KLKB1: variants seen among roughly 807,000 people sequenced by gnomAD.
KLKB1 encodes plasma kallikrein.
A neutral mutation model predicts 73.6 loss-of-function variants in KLKB1; 58 were observed. The observed-to-expected ratio is 0.79, with a 90% CI of 0.64 to 0.98. The LOEUF is 0.98. Ranked by LOEUF, KLKB1 falls within the 50% of genes least tolerant of loss-of-function variation. KLKB1 has a pLI of 0.00. For missense variants in KLKB1, 737 were observed against 763.8 expected, an observed-to-expected ratio of 0.96 and a Z score of 0.41; for synonymous variants, 280 against 258.1, an observed-to-expected ratio of 1.08 and a Z score of -0.81.
At position 186,254,582 on chromosome 4, in the gene KLKB1, T is replaced by C. The variant is rs137946969; in HGVS notation, c.1314-6T>C. ...TTTCAAACAGGTATTTATTTTTCTC[T>C]CCTAGGCTTCCCCTGCAGGATGTTT... On this transcript the variant is annotated splice_polypyrimidine_tract_variant and splice_region_variant and intron_variant, in intron 11 of 14. Transcript: ENST00000264690. The C allele has an allele frequency of 4.5e-4, 731 of 1,613,324 alleles. 4 individuals are homozygous for C. In the African/African-American group the frequency reaches 8.7e-3, roughly 19 times the overall value.
chr4:186,241,420 T>G (rs1738044514), intron 6 of KLKB1, among the ~76,000 whole-genome samples: 2 of 152,136 alleles, frequency 1.3e-5, no homozygotes, highest in Non-Finnish European at 2.9e-5. Flanking sequence ...CACTCCACCT[T>G]TTGTTTTTTT....
At chr4:186,214,569 T>C (rs1736833601) in intron 2 of KLKB1, among the ~76,000 whole-genome samples, 1 of 152,222 alleles carries the variant, frequency 6.6e-6, no homozygotes, top group African/African-American at 2.4e-5. Context: ...CTTTTCTAGA[T>C]AGTAGGAAAG....
At chr4:186,233,893 A>G in intron 3 of KLKB1, 59 bp from the exon 4 acceptor site, 1 of 1,175,144 alleles carries the variant, frequency 8.5e-7, no homozygotes, top group Non-Finnish European at 1.3e-6. Flanking sequence ...AAAATGCTAG[A>G]CATTTCCTCA....
upstream of KLKB1, among the ~76,000 whole-genome samples, chr4:186,227,069 G>A (rs546168576): frequency 6.6e-6 from 1 of 152,286 alleles, no homozygotes; most frequent in African/African-American, 2.4e-5. Flanking sequence ...GGGATCTGTG[G>A]TGAAGTTAGG....
chr4:186,248,063 C>T (rs1025794385), intron 6 of KLKB1, among the ~76,000 whole-genome samples: 1 of 151,990 alleles, frequency 6.6e-6, no homozygotes, highest in African/African-American at 2.4e-5. Context: ...CTGGGTAACA[C>T]GGTGAAGCCC....
chr4:186,245,802 G>GGTTT (rs1738298819), intron 6 of KLKB1, among the ~76,000 whole-genome samples: 1 of 54,882 alleles, frequency 1.8e-5, no homozygotes, highest in Non-Finnish European at 4.3e-5. Context: ...AATTTTTGGA[G>GGTTT]TTTTTTTTTG....
chr4:186,230,960 T>A (rs1737373368), intron 2 of KLKB1, among the ~76,000 whole-genome samples: 1 of 152,218 alleles, frequency 6.6e-6, no homozygotes, highest in South Asian at 2.1e-4. Context: ...TGAAGAGATC[T>A]GTGCTCTTTC....
At chr4:186,243,721 G>C (rs1738178566) in intron 6 of KLKB1, among the ~76,000 whole-genome samples, 1 of 152,236 alleles carries the variant, frequency 6.6e-6, no homozygotes, top group South Asian at 2.1e-4. Context: ...TTTAGAGTCA[G>C]TATAAATATT....
intron 4 of KLKB1, 78 bp downstream of exon 4, chr4:186,234,136 T>G: frequency 9.3e-7 from 1 of 1,076,682 alleles, no homozygotes; most frequent in Non-Finnish European, 1.4e-6. Context: ...AAGTTTGTAC[T>G]GCTACAGCTT....
intron 2 of KLKB1, among the ~76,000 whole-genome samples, chr4:186,220,771 T>G (rs544191777): frequency 1.3e-5 from 2 of 152,336 alleles, no homozygotes; most frequent in African/African-American, 4.8e-5. Flanking sequence ...AATTTTAATT[T>G]TATTTTATTG....
At chr4:186,232,086 A>T in intron 2 of KLKB1, 41 bp from the exon 3 acceptor site, 2 of 1,509,606 alleles carry the variant, frequency 1.3e-6, no homozygotes, top group Non-Finnish European at 1.8e-6. Flanking sequence ...TAAAATTATT[A>T]TATGAATTAT....
At chr4:186,241,128 G>A (rs1000616743) in intron 6 of KLKB1, among the ~76,000 whole-genome samples, 9 of 152,082 alleles carry the variant, frequency 5.9e-5, no homozygotes, top group Admixed American at 1.3e-4. Flanking sequence ...CACTGAGTAC[G>A]TGGTCCCCGT....
chr4:186,242,445 C>G (rs547401615), intron 6 of KLKB1, among the ~76,000 whole-genome samples: 5 of 151,776 alleles, frequency 3.3e-5, no homozygotes, highest in African/African-American at 1.2e-4. Flanking sequence ...CTGCTTCGAG[C>G]GGGATTAGGG....
In KLKB1 at chr4:186,238,636, G is replaced by T. The variant is rs543063401; in HGVS notation, c.598+271G>T. Among the ~76,000 whole-genome samples the T allele has an allele frequency of 4.6e-5, 7 of 152,294 alleles. No homozygotes were observed. In the South Asian group the frequency reaches 1.5e-3, roughly 32 times the overall value. On this transcript the variant is annotated intron_variant, in intron 6 of 14. Transcript: ENST00000264690. ...CAGAGCCAGAGAGAGAGGTTTGAAG[G>T]TATTACACTGCTGGCTTTGAAGATG...
At chr4:186,212,130 A>G (rs1736743214) in intron 2 of KLKB1, 1 of 152,184 alleles carries the variant, frequency 6.6e-6, no homozygotes, top group Non-Finnish European at 1.5e-5. Context: ...AGAGCTGGAA[A>G]TACGTAGAGA....
In KLKB1 at chr4:186,251,556, A is replaced by G; in HGVS notation, c.938A>G (p.Lys313Arg). The G allele has an allele frequency of 6.2e-7, 1 of 1,614,064 alleles. No homozygotes were observed. ...GAAGAATTGAATGTGACTTTTGTTA[A>G]AGGAGTGAATGTTTGCCAAGAGACT... ...GGEELNVTFV[K>R]GVNVCQETCT... Residue 313 changes from lysine (K) to arginine (R), a missense_variant, in exon 9 of 15, where the codon AAA becomes AGA. Physicochemically the swap from Lys to Arg is conservative, Grantham distance 26. Coordinates refer to ENST00000264690, the MANE Select transcript of KLKB1 (RefSeq NM_000892.5).
chr4:186,254,332 TTC>T (rs1488754890), intron 11 of KLKB1, among the ~76,000 whole-genome samples: 1 of 152,236 alleles, frequency 6.6e-6, no homozygotes, highest in Non-Finnish European at 1.5e-5. Flanking sequence ...GACAGCAACA[TTC>T]TTTTTGTTTT....
intron 6 of KLKB1, among the ~76,000 whole-genome samples, chr4:186,240,300 A>T (rs1205492092): frequency 6.6e-6 from 1 of 151,804 alleles, no homozygotes; most frequent in Non-Finnish European, 1.5e-5. Flanking sequence ...TAGGACAGTG[A>T]TATAGTTATA....
chr4:186,251,684 A>C (rs779801101), intron 9 of KLKB1, 35 bp downstream of exon 9: 1 of 1,609,560 alleles, frequency 6.2e-7, no homozygotes, highest in Non-Finnish European at 8.5e-7. Context: ...GACAGTTGAC[A>C]TGACCATTTC....
Sources: allele counts gnomAD v4.1 joint callset (sites outside exome capture counted in the v4.1 genomes callset), GRCh38; gene constraint gnomAD v4.1.1; transcripts MANE v1.5; gene names NCBI Gene and HGNC (gene_info 2026-07-23, HGNC 2026-07-21).